CSMD1: variants seen among roughly 807,000 people sequenced by gnomAD.
CSMD1 encodes the protein CUB and sushi domain-containing protein 1.
A neutral mutation model predicts 417.5 loss-of-function variants in CSMD1; 213 were observed. That is an observed-to-expected ratio of 0.51 (90% confidence interval 0.46 to 0.57). The LOEUF (loss-of-function observed/expected upper bound fraction) is 0.57. Ranked by LOEUF, CSMD1 falls within the 20% of genes least tolerant of loss-of-function variation. The pLI, the probability that CSMD1 is intolerant of heterozygous loss-of-function variation, is 0.00. For missense variants in CSMD1, 6,923 were observed against 4,529.7 expected (o/e 1.53, Z -15.17); for synonymous variants, 2,862 against 1,736.8 (o/e 1.65, Z -16.11).
At chr8:4,459,404 G>C (rs915069633) in intron 2 of CSMD1, among the ~76,000 whole-genome samples, 2 of 152,224 alleles carry the variant, frequency 1.3e-5, no homozygotes, top group Non-Finnish European at 2.9e-5. Context: ...AGCAGAAGCT[G>C]AGAGTGTCTC....
At chr8:3,307,622 C>G in intron 25 of CSMD1, 73 bp downstream of exon 25, 1 of 1,462,706 alleles carries the variant, frequency 6.8e-7, no homozygotes, top group Middle Eastern at 1.8e-4. Flanking sequence ...ATTTGGTGTA[C>G]CACTATCTCT....
chr8:3,586,143 G>A lies in CSMD1; in HGVS notation c.1215C>T (p.Ile405=), dbSNP rs369184743. ...CCACCGCAGGTGCCTTACCTCGGCA[G>A]ATGGGCCTGTGGTCACTCCAAGCAG... is the stretch of plus-strand genomic sequence containing the variant. ...TLAAWSDHRP[I]CRARTCGSNL... The change falls in exon 9 of 70, where the codon ATC becomes ATT. Residue 405 remains isoleucine, a synonymous_variant. Coordinates refer to ENST00000635120, the MANE Select transcript of CSMD1 (RefSeq NM_033225.6). 3.7e-6 allele frequency: 6 copies of A among 1,612,068 alleles called. No individual in the cohort carries two copies. The highest frequency in any genetic ancestry group is 1.7e-4 in the Middle Eastern group (1 of 6,048).
At chr8:4,055,365 T>C (rs1798638667) in intron 3 of CSMD1, among the ~76,000 whole-genome samples, 1 of 152,126 alleles carries the variant, frequency 6.6e-6, no homozygotes, top group South Asian at 2.1e-4. Flanking sequence ...ATAATTATTG[T>C]AAATTTCACA....
rs144163131 is a variant in CSMD1, at chr8:4,174,578, G to A, written c.416-142479C>T. On this transcript the variant is annotated intron_variant, in intron 3 of 69. Transcript: ENST00000635120. ...TTTTATAAATACTGCATGCACTCTG[G>A]CTGGGATACACAATGTCTGAAGCCT... 2.1e-3 allele frequency among the ~76,000 whole-genome samples: 311 copies of A among 150,186 alleles called. 5 individuals carry two copies. Among genetic ancestry groups the A allele is most frequent in the African/African-American group, 7.2e-3 (292 of 40,594 alleles).
intron 3 of CSMD1, among the ~76,000 whole-genome samples, chr8:4,036,412 C>T (rs538763829): frequency 2.0e-5 from 3 of 152,192 alleles, no homozygotes; most frequent in Non-Finnish European, 4.4e-5. Flanking sequence ...TATTGACTTA[C>T]ATATTTCTGA....
intron 3 of CSMD1, among the ~76,000 whole-genome samples, chr8:4,301,383 G>A (rs1357470712): frequency 1.3e-5 from 2 of 152,170 alleles, no homozygotes; most frequent in South Asian, 4.1e-4. Flanking sequence ...GGTAGCCAAT[G>A]CTTTGATTCT....
chr8:4,798,460 T>C (rs1477655833), intron 1 of CSMD1, among the ~76,000 whole-genome samples: 3 of 152,184 alleles, frequency 2.0e-5, no homozygotes, highest in Non-Finnish European at 2.9e-5. Context: ...GATTTTGCAA[T>C]ATATAAAATG....
chr8:4,543,671 GAAAAAAAAAAAAAA>G lies in CSMD1; in HGVS notation c.302+93657_302+93670del, dbSNP rs35739254. Among the ~76,000 whole-genome samples, 153 of 57,336 alleles carry G rather than the reference GAAAAAAAAAAAAAA, an allele frequency of 2.7e-3. 3 individuals are homozygous for G. The highest frequency in any genetic ancestry group is 6.2e-4 in the Non-Finnish European group (20 of 32,248). The allele number at this position is 57,336 out of a possible 152,430, so 37.6% of individuals were successfully genotyped here. A position where few individuals can be genotyped will look rare whatever the true frequency, so the allele number is the denominator to read the frequency against. On this transcript the variant is annotated intron_variant, in intron 2 of 69. Coordinates refer to ENST00000635120, the MANE Select transcript of CSMD1 (RefSeq NM_033225.6). ...ATATGGGAAGGACACGTTTAATTTT[GAAAAAAAAAAAAAA>G]AAAAAAAAAAAAAAACCCACACCAA...
intron 8 of CSMD1, among the ~76,000 whole-genome samples, chr8:3,597,132 A>G (rs1801131730): frequency 6.6e-6 from 1 of 152,312 alleles, no homozygotes; most frequent in African/African-American, 2.4e-5. Context: ...TTCAGCAGAC[A>G]TATGGGATGC....
At chr8:4,273,086 A>T (rs1025579873) in intron 3 of CSMD1, among the ~76,000 whole-genome samples, 2 of 152,154 alleles carry the variant, frequency 1.3e-5, no homozygotes, top group Admixed American at 1.3e-4. Flanking sequence ...AGGAAGAAGT[A>T]TAAAAAATAT....
Position 4,883,937 on chromosome 8 carries a change from C to T in CSMD1, c.85+110395G>A, listed in dbSNP as rs150765545. On this transcript the variant is annotated intron_variant, in intron 1 of 69. Coordinates refer to ENST00000635120, the MANE Select transcript of CSMD1 (RefSeq NM_033225.6). ...GTTTTCCAAAGAGATTGCAATATTT[C>T]ACATTTCCACTAGCTGCCTACGAGC... is the stretch of plus-strand genomic sequence containing the variant. 9.9e-4 allele frequency among the ~76,000 whole-genome samples: 150 copies of T among 152,106 alleles called. 2 individuals carry two copies. The highest frequency in any genetic ancestry group is 3.5e-3 in the African/African-American group (145 of 41,458).
intron 1 of CSMD1, among the ~76,000 whole-genome samples, chr8:4,942,232 T>A (rs1461326300): frequency 6.6e-6 from 1 of 152,188 alleles, no homozygotes; most frequent in Non-Finnish European, 1.5e-5. Context: ...GGCTTCACTC[T>A]TATTTTTTCC....
intron 3 of CSMD1, among the ~76,000 whole-genome samples, chr8:4,165,667 T>C (rs983509859): frequency 6.6e-6 from 1 of 152,202 alleles, no homozygotes; most frequent in Non-Finnish European, 1.5e-5. Flanking sequence ...CCTCCCAAAG[T>C]GCCGGAATTA....
Position 3,250,075 on chromosome 8 carries a change from T to A in CSMD1, c.4154-19844A>T, listed in dbSNP as rs540982819. Among the ~76,000 whole-genome samples the A allele has an allele frequency of 3.3e-5, 5 of 152,258 alleles. No homozygotes were observed. In the South Asian group the frequency reaches 1.0e-3, roughly 31 times the overall value. Reference sequence around the variant, plus strand: ...ATATTTTTGTTTATTTATTTTTAATTATACTTTGTTTTAGGGTACATGTGC... The same window carrying A: ...ATATTTTTGTTTATTTATTTTTAATAATACTTTGTTTTAGGGTACATGTGC... On this transcript the variant is annotated intron_variant, in intron 26 of 69. Coordinates refer to ENST00000635120, the MANE Select transcript of CSMD1 (RefSeq NM_033225.6).
intron 3 of CSMD1, among the ~76,000 whole-genome samples, chr8:4,090,394 T>C (rs1800655160): frequency 6.6e-6 from 1 of 152,200 alleles, no homozygotes; most frequent in African/African-American, 2.4e-5. Context: ...CCACTCTTAC[T>C]CCTTTTTAAT....
At chr8:3,728,435 C>T (rs1027857819) in intron 6 of CSMD1, among the ~76,000 whole-genome samples, 3 of 152,122 alleles carry the variant, frequency 2.0e-5, no homozygotes, top group Admixed American at 1.3e-4. Context: ...AACATCTAAA[C>T]GTTGTGAAGA....
At chr8:4,519,596 C>A (rs1391481723) in intron 2 of CSMD1, among the ~76,000 whole-genome samples, 1 of 151,014 alleles carries the variant, frequency 6.6e-6, no homozygotes, top group South Asian at 2.1e-4. Context: ...CAAAATTAGC[C>A]CGACATGGTT....
At chr8:3,605,388 T>G (rs1395709978) in intron 8 of CSMD1, among the ~76,000 whole-genome samples, 1 of 152,214 alleles carries the variant, frequency 6.6e-6, no homozygotes, top group African/African-American at 2.4e-5. Flanking sequence ...AAGAGACAGG[T>G]GCCTCTGCTC....
At chr8:3,592,433 C>G (rs1269354719) in intron 8 of CSMD1, among the ~76,000 whole-genome samples, 3 of 152,068 alleles carry the variant, frequency 2.0e-5, no homozygotes, top group Non-Finnish European at 4.4e-5. Flanking sequence ...TCTCAAGCAG[C>G]AGAAAACACA....
Sources: allele counts gnomAD v4.1 joint callset (sites outside exome capture counted in the v4.1 genomes callset), GRCh38; gene constraint gnomAD v4.1.1; transcripts MANE v1.5; gene names NCBI Gene and HGNC (gene_info 2026-07-23, HGNC 2026-07-21).